The following SAMMSON variants were observed in gnomAD, a reference collection of about 807,000 sequenced individuals.
SAMMSON encodes long intergenic non-protein coding RNA 1212.
chr3:70,107,137 G>C (rs1413782172), intron 4 of SAMMSON, among the ~76,000 whole-genome samples: 8 of 152,172 alleles, frequency 5.3e-5, no homozygotes, highest in Non-Finnish European at 1.2e-4. Context: ...CGGGTAAAAT[G>C]GAGACTAAAG....
At chr3:70,184,263 A>T in intron 4 of SAMMSON, 1 of 152,220 alleles carries the variant, frequency 6.6e-6, no homozygotes, top group East Asian at 1.9e-4. Flanking sequence ...GGAAATGCTG[A>T]ATTTAACATA....
chr3:70,100,591 A>T (rs1185799464), intron 4 of SAMMSON, among the ~76,000 whole-genome samples: 2 of 151,530 alleles, frequency 1.3e-5, no homozygotes, highest in African/African-American at 2.4e-5. Context: ...TTTTTCCCTA[A>T]TTCTTTCCCA....
chr3:70,141,301 G>T (rs1404530786), intron 4 of SAMMSON, among the ~76,000 whole-genome samples: 2 of 152,178 alleles, frequency 1.3e-5, no homozygotes, highest in African/African-American at 4.8e-5. Flanking sequence ...GGAAGTCAAT[G>T]GTGTAAGTCC....
Position 70,347,933 on chromosome 3 carries a change from C to T in SAMMSON, n.740-6242C>T, listed in dbSNP as rs145018020. 3.5e-4 allele frequency among the ~76,000 whole-genome samples: 54 copies of T among 152,208 alleles called. No homozygotes were observed. In the South Asian group the frequency reaches 3.7e-3, roughly 11 times the overall value. On this transcript the variant is annotated intron_variant and non_coding_transcript_variant, in intron 7 of 9. Coordinates refer to ENST00000642114, the Ensembl canonical transcript of SAMMSON. ...TGGTATATGCCTATAATCCCAGCTA[C>T]TTGGGAGACTGAGGCATGAGAATTG...
At chr3:70,046,030 T>C (rs531857803) in intron 3 of SAMMSON, among the ~76,000 whole-genome samples, 343 of 152,272 alleles carry the variant, frequency 2.3e-3, no homozygotes, top group African/African-American at 8.0e-3. Flanking sequence ...AAAATGCAAG[T>C]AATCTTTAGG....
At chr3:70,055,618 C>T (rs1486809816) in intron 3 of SAMMSON, among the ~76,000 whole-genome samples, 2 of 152,130 alleles carry the variant, frequency 1.3e-5, no homozygotes, top group African/African-American at 2.4e-5. Flanking sequence ...AATTTATCGA[C>T]ATGCATTTCA....
chr3:70,365,452 G>A (rs1289115762), intron 9 of SAMMSON, among the ~76,000 whole-genome samples: 1 of 151,586 alleles, frequency 6.6e-6, no homozygotes, highest in East Asian at 1.9e-4. Context: ...GACTCAATAT[G>A]AATTATGAAT....
intron 4 of SAMMSON, among the ~76,000 whole-genome samples, chr3:70,085,958 A>T (rs566119824): frequency 1.3e-5 from 2 of 152,340 alleles, no homozygotes; most frequent in East Asian, 3.9e-4. Flanking sequence ...GGAATAAAAC[A>T]ATACTAAGAG....
intron 4 of SAMMSON, chr3:70,125,651 AT>A: frequency 1.4e-6 from 1 of 699,674 alleles, no homozygotes; most frequent in African/African-American, 1.8e-5. Context: ...GATATATGGA[AT>A]TCAATTCTTT....
At chr3:70,342,651 G>A (rs1702719840) in intron 7 of SAMMSON, among the ~76,000 whole-genome samples, 1 of 152,104 alleles carries the variant, frequency 6.6e-6, no homozygotes, top group African/African-American at 2.4e-5. Flanking sequence ...GCATATAACA[G>A]GGAGTTTATG....
chr3:70,093,340 C>G lies in SAMMSON; in HGVS notation n.507+21775C>G, dbSNP rs148700108. Among the ~76,000 whole-genome samples, 530 of 152,236 alleles carry G rather than the reference C, an allele frequency of 3.5e-3. 1 individual carries two copies. Among genetic ancestry groups the G allele is most frequent in the African/African-American group, 0.012 (494 of 41,534 alleles). Reference sequence around the variant, plus strand: ...CATTTTGTAGATAAGAAAATTGAGGCTACCAAAAACTAAACAAGAGCTGCA... The same window carrying G: ...CATTTTGTAGATAAGAAAATTGAGGGTACCAAAAACTAAACAAGAGCTGCA... On this transcript the variant is annotated intron_variant and non_coding_transcript_variant, in intron 4 of 9. Coordinates refer to ENST00000642114, the Ensembl canonical transcript of SAMMSON.
intron 2 of SAMMSON, among the ~76,000 whole-genome samples, chr3:70,418,334 C>A (rs1296118832): frequency 6.6e-6 from 1 of 152,176 alleles, no homozygotes; most frequent in Non-Finnish European, 1.5e-5. Flanking sequence ...TCAGGTTACT[C>A]TCTGTTCATT....
chr3:70,220,292 T>G (rs1230091844), intron 4 of SAMMSON, among the ~76,000 whole-genome samples: 2 of 152,060 alleles, frequency 1.3e-5, no homozygotes, highest in South Asian at 2.1e-4. Flanking sequence ...GAGGCTAGGC[T>G]CAGTGTCTCA....
At chr3:70,029,368 C>G (rs1044846186) in intron 3 of SAMMSON, among the ~76,000 whole-genome samples, 4 of 152,116 alleles carry the variant, frequency 2.6e-5, no homozygotes, top group African/African-American at 9.7e-5. Context: ...AGTTTAATGT[C>G]CCTTCAAAGT....
intron 3 of SAMMSON, among the ~76,000 whole-genome samples, chr3:70,048,210 C>G (rs2067134237): frequency 6.6e-6 from 1 of 151,998 alleles, no homozygotes; most frequent in Non-Finnish European, 1.5e-5. Context: ...TCTCTTGCCT[C>G]ATGATGCTTT....
chr3:70,023,787 G>A (rs891840382), intron 3 of SAMMSON, among the ~76,000 whole-genome samples: 1 of 152,174 alleles, frequency 6.6e-6, no homozygotes, highest in African/African-American at 2.4e-5. Flanking sequence ...TCATGTGTAT[G>A]TATTCCAATA....
chr3:70,004,570 T>C (rs1360892137), intron 1 of SAMMSON, among the ~76,000 whole-genome samples: 1 of 152,174 alleles, frequency 6.6e-6, no homozygotes, highest in Non-Finnish European at 1.5e-5. Context: ...ATCAGTCCTA[T>C]CTTCTAAGAC....
intron 4 of SAMMSON, among the ~76,000 whole-genome samples, chr3:70,244,399 G>A (rs1701687346): frequency 1.3e-5 from 2 of 152,148 alleles, no homozygotes; most frequent in Non-Finnish European, 2.9e-5. Context: ...CCTGTCAAAA[G>A]GGCATTCTAT....
rs925524362 is a variant in SAMMSON, at chr3:70,185,474, T to C, written n.508-63633T>C. On this transcript the variant is annotated intron_variant and non_coding_transcript_variant, in intron 4 of 9. Coordinates refer to ENST00000642114, the Ensembl canonical transcript of SAMMSON. ...CCCATGATTGAAGTTTGCCACCCTC[T>C]TGCAGACAGAGGATTGAAAGCCTGG... Among the ~76,000 whole-genome samples, 6 of 152,264 alleles carry C rather than the reference T, an allele frequency of 3.9e-5. No individual in the cohort carries two copies. The South Asian group carries it at 1.2e-3, about 32-fold the overall frequency.
Sources: allele counts gnomAD v4.1 joint callset (sites outside exome capture counted in the v4.1 genomes callset), GRCh38; gene constraint gnomAD v4.1.1; transcripts MANE v1.5; gene names NCBI Gene and HGNC (gene_info 2026-07-23, HGNC 2026-07-21).